EEF1A2: variants seen among roughly 807,000 people sequenced by gnomAD.
EEF1A2 encodes the protein elongation factor 1-alpha 2.
In EEF1A2, 5 loss-of-function variants were observed where a neutral mutation model predicts 39.3. That is an observed-to-expected ratio of 0.13 (90% CI 0.07 to 0.27). The LOEUF is 0.27. Among genes scored for constraint, EEF1A2 ranks in the 10% least tolerant of loss-of-function variants. EEF1A2 has a pLI of 1.00. For missense variants in EEF1A2, 218 were observed against 681.4 expected, an observed-to-expected ratio of 0.32 and a Z score of 7.57; for synonymous variants, 287 against 293.7, an observed-to-expected ratio of 0.98 and a Z score of 0.23.
intron 5 of EEF1A2, 112 bp downstream of exon 5, chr20:63,493,025 G>A: frequency 7.2e-7 from 1 of 1,379,446 alleles, no homozygotes; most frequent in Admixed American, 2.5e-5. Context: ...GAAAGTGTGT[G>A]GTAAGGGGAG....
At chr20:63,494,483 C>T (rs1035743576) in intron 4 of EEF1A2, among the ~76,000 whole-genome samples, 1 of 152,262 alleles carries the variant, frequency 6.6e-6, no homozygotes, top group African/African-American at 2.4e-5. Flanking sequence ...TGAAACCGAC[C>T]GCCCCCATGG....
chr20:63,493,295 A>C lies in EEF1A2; in HGVS notation c.622-8T>G. 3 of 1,505,526 alleles carry C rather than the reference A, an allele frequency of 2.0e-6. No homozygotes were observed. Among genetic ancestry groups the C allele is most frequent in the Non-Finnish European group, 2.7e-6 (3 of 1,120,548 alleles). 93.3% of individuals were successfully genotyped at this position (1,505,526 alleles called of 1,614,324 possible). A position where few individuals can be genotyped will look rare whatever the true frequency, so the allele number is the denominator to read the frequency against. On this transcript the variant is annotated splice_polypyrimidine_tract_variant and splice_region_variant and intron_variant, in intron 4 of 7. Transcript: ENST00000217182. ...GCCCTTGAACCACGGCATCTGGACC[A>C]AAGGGAGAAAATCAATCCGTTAAGA...
At chr20:63,492,911 T>C (rs552601773) in intron 5 of EEF1A2, among the ~76,000 whole-genome samples, 329 of 123,186 alleles carry the variant, frequency 2.7e-3, no homozygotes, top group African/African-American at 9.1e-3. Context: ...GATAGATAGA[T>C]GGATGGAGAG....
chr20:63,494,197 G>T lies in EEF1A2; in HGVS notation c.621+608C>A, dbSNP rs550429486. 4.6e-5 allele frequency among the ~76,000 whole-genome samples: 7 copies of T among 152,346 alleles called. No individual in the cohort carries two copies. In the East Asian group the frequency reaches 1.2e-3, roughly 25 times the overall value. Reference sequence around the variant, plus strand: ...GCCATTCTGGGGTCTCCTCTGGCTTGGAGAACCCTGGGAACAGTCTCAGGT... The same window carrying T: ...GCCATTCTGGGGTCTCCTCTGGCTTTGAGAACCCTGGGAACAGTCTCAGGT... On this transcript the variant is annotated intron_variant, in intron 4 of 7. Transcript: ENST00000217182.
Position 63,495,165 on chromosome 20 carries a change from G to A in EEF1A2, c.325-64C>T, listed in dbSNP as rs569597756. On this transcript the variant is annotated intron_variant, in intron 3 of 7. Transcript: ENST00000217182. ...CCTGGCAGGGGACAGAGCGAGCCTG[G>A]CCCCACCTCACTTCCAGGCCTCTCC... 7.7e-6 allele frequency: 12 copies of A among 1,564,142 alleles called. No individual in the cohort carries two copies. In the South Asian group the frequency reaches 1.3e-4, roughly 17 times the overall value.
Position 63,490,690 on chromosome 20 carries a change from C to T in EEF1A2, c.818G>A (p.Arg273Gln), listed in dbSNP as rs1336697996. 5 of 1,608,434 alleles carry T rather than the reference C, an allele frequency of 3.1e-6. No homozygotes were observed. The highest frequency in any genetic ancestry group is 3.4e-6 in the Non-Finnish European group (4 of 1,178,816). The change falls in exon 6 of 8, where the codon CGG becomes CAG. Residue 273 changes from arginine to glutamine, a missense_variant. This residue lies in a region of EEF1A2 where 80 missense variants were observed against 295.9 expected (regional missense o/e 0.27). Transcript: ENST00000217182. ...CGCAAAGGTCACCACCATGCCCGGC[C>T]GCAGGATGCCGGTCTCCACCCGGCC... is the stretch of plus-strand genomic sequence containing the variant. ...PVGRVETGILRPGMVVTFAPV... is the reference protein window; with the variant it reads ...PVGRVETGILQPGMVVTFAPV...
intron 6 of EEF1A2, chr20:63,490,067 C>CTTTTTTTTTTTTTTTT (rs57130528): frequency 5.9e-5 from 9 of 151,434 alleles, no homozygotes; most frequent in Middle Eastern, 3.5e-3. Flanking sequence ...GGTCCCTTTT[C>CTTTTTTTTTTTTTTTT]TTTTTTTTTT....
At chr20:63,493,721 C>T (rs2082402850) in intron 4 of EEF1A2, among the ~76,000 whole-genome samples, 1 of 152,236 alleles carries the variant, frequency 6.6e-6, no homozygotes, top group South Asian at 2.1e-4. Flanking sequence ...GGACACCGTG[C>T]TGCCTCCGAG....
chr20:63,492,779 T>C (rs1367691171), intron 5 of EEF1A2, among the ~76,000 whole-genome samples: 4 of 135,006 alleles, frequency 3.0e-5, no homozygotes, highest in Non-Finnish European at 4.7e-5. Context: ...GGGAGGTGGA[T>C]AGATGGAGAG....
intron 6 of EEF1A2, 49 bp downstream of exon 6, chr20:63,490,427 CCTG>C: frequency 1.9e-6 from 3 of 1,575,576 alleles, no homozygotes; most frequent in Non-Finnish European, 1.7e-6. Context: ...CCAGGACAGT[CCTG>C]CTGCTGTCCA....
At chr20:63,491,658 G>GTGGA (rs1327915929) in intron 5 of EEF1A2, among the ~76,000 whole-genome samples, 3 of 148,172 alleles carry the variant, frequency 2.0e-5, no homozygotes, top group Non-Finnish European at 4.5e-5. Context: ...GGGGAGGTGG[G>GTGGA]TGGATGGATG....
At position 63,497,809 on chromosome 20, in the gene EEF1A2, T is replaced by C. The variant is rs376835740; in HGVS notation, c.-46A>G. 6.3e-7 allele frequency: 1 copy of C among 1,593,092 alleles called. No individual in the cohort carries two copies. Among genetic ancestry groups the C allele is most frequent in the Non-Finnish European group, 8.6e-7 (1 of 1,169,348 alleles). ...CTGGCGGGACCCGGGGTGCTCTGGC[T>C]CAGGGCGAGGGGGGCTGCAGTGATT... On this transcript the variant is annotated 5_prime_UTR_variant, in exon 2 of 8. Transcript: ENST00000217182. The surrounding 1 kb of genome is among the most constrained non-coding windows in gnomAD (Gnocchi z 7.3).
intron 2 of EEF1A2, 40 bp from the exon 3 acceptor site, chr20:63,496,075 G>C (rs747996702): frequency 3.1e-6 from 5 of 1,606,146 alleles, no homozygotes. Context: ...CGGGACCCGG[G>C]ACCCAGGAGT....
chr20:63,497,991 C>G lies in EEF1A2; in HGVS notation c.-71-157G>C, dbSNP rs1269640784. On this transcript the variant is annotated intron_variant, in intron 1 of 7. Coordinates refer to ENST00000217182, the MANE Select transcript of EEF1A2 (RefSeq NM_001958.5). This position sits in a 1 kb window ranked among gnomAD's most constrained non-coding sequence, Gnocchi z 7.3. ...GAAGGGCCCCCACCCACAGCTGGGC[C>G]TGGCCAGGGCAAGCAGAGGCTGTGC... 1.9e-6 allele frequency: 1 copy of G among 539,890 alleles called. No homozygotes were observed. The highest frequency in any genetic ancestry group is 3.2e-6 in the Non-Finnish European group (1 of 312,614). The allele number at this position is 539,890 out of a possible 1,614,324, so 33.4% of individuals were successfully genotyped here.
At chr20:63,490,282 G>T in intron 6 of EEF1A2, 197 bp downstream of exon 6, 1 of 647,610 alleles carries the variant, frequency 1.5e-6, no homozygotes, top group Non-Finnish European at 2.6e-6. Context: ...GACCAGGATG[G>T]ACTTGATCTC....
At chr20:63,495,219 A>C in intron 3 of EEF1A2, 118 bp from the exon 4 acceptor site, 1 of 1,407,736 alleles carries the variant, frequency 7.1e-7, no homozygotes, top group Non-Finnish European at 9.4e-7. Flanking sequence ...TGAGCAGCCC[A>C]CTGGGGCCTT....
intron 4 of EEF1A2, among the ~76,000 whole-genome samples, chr20:63,494,126 G>A (rs2082405265): frequency 6.6e-6 from 1 of 152,230 alleles, no homozygotes; most frequent in Non-Finnish European, 1.5e-5. Flanking sequence ...CTCCACACCT[G>A]CACCCTCACT....
intron 5 of EEF1A2, among the ~76,000 whole-genome samples, chr20:63,492,118 ATGGATGGATGGG>A (rs2082385711): frequency 1.1e-5 from 1 of 87,322 alleles, no homozygotes; most frequent in Non-Finnish European, 2.5e-5. Flanking sequence ...GGATGGATGG[ATGGATGGATGGG>A]GAAGTGGATG....
rs111692642 is a variant in EEF1A2 at position 63,488,753 on chromosome 20, A to G, written c.1264+165T>C. On this transcript the variant is annotated intron_variant, in intron 7 of 7. Transcript: ENST00000217182. ...AGCTCGTCTGGGCAGGGTCACCTGCACTCAGTGACACGGAGGCCGTGGCTC... is the reference window on the plus strand; with the variant it reads ...AGCTCGTCTGGGCAGGGTCACCTGCGCTCAGTGACACGGAGGCCGTGGCTC... 3.8e-3 allele frequency among the ~76,000 whole-genome samples: 580 copies of G among 152,228 alleles called. 3 individuals carry two copies. Among genetic ancestry groups the G allele is most frequent in the African/African-American group, 0.013 (553 of 41,544 alleles).
Sources: gnomAD v4.1 joint callset for allele counts (sites outside exome capture counted in the v4.1 genomes callset) on GRCh38, gnomAD v4.1.1 for gene constraint, gnomAD v4.1.1 regional missense constraint, Gnocchi (gnomAD v3.1) non-coding constraint, MANE v1.5 for transcripts, NCBI Gene and HGNC (gene_info 2026-07-23, HGNC 2026-07-21) for gene names.